The following EDIL3 variants were observed in gnomAD, a reference collection of about 807,000 sequenced individuals.
The protein encoded by EDIL3 is EGF-like repeat and discoidin I-like domain-containing protein 3.
A neutral mutation model predicts 67.4 loss-of-function variants in EDIL3; 37 were observed. The observed-to-expected ratio is 0.55, with a 90% CI of 0.42 to 0.72. The LOEUF (loss-of-function observed/expected upper bound fraction) is 0.72. EDIL3 is among the 30% of genes least tolerant of loss of function. EDIL3 has a pLI of 0.00. For synonymous variants in EDIL3, 195 were observed against 196.3 expected, an observed-to-expected ratio of 0.99 and a Z score of 0.05; for missense variants, 527 against 586.3, an observed-to-expected ratio of 0.90 and a Z score of 1.04.
At chr5:84,317,991 A>G (rs538808290) in intron 1 of EDIL3, among the ~76,000 whole-genome samples, 23 of 152,320 alleles carry the variant, frequency 1.5e-4, no homozygotes, top group Middle Eastern at 6.8e-3. Flanking sequence ...CAATGTGCAA[A>G]AACCACAGAC....
intron 1 of EDIL3, among the ~76,000 whole-genome samples, chr5:84,280,297 T>C (rs1228713601): frequency 2.6e-5 from 4 of 152,120 alleles, no homozygotes; most frequent in African/African-American, 9.7e-5. Flanking sequence ...CTCCTTGAAA[T>C]TGATATAATT....
At chr5:84,348,993 AC>A (rs1645965666) in intron 1 of EDIL3, among the ~76,000 whole-genome samples, 1 of 152,198 alleles carries the variant, frequency 6.6e-6, no homozygotes, top group African/African-American at 2.4e-5. Flanking sequence ...ACCTAACAGC[AC>A]TAGTCCATAA....
chr5:84,371,342 T>TATATATATAA (rs34655173), intron 1 of EDIL3, among the ~76,000 whole-genome samples: 1 of 114,548 alleles, frequency 8.7e-6, no homozygotes. Flanking sequence ...TATATATATA[T>TATATATATAA]GTGTGTGTGT....
intron 1 of EDIL3, among the ~76,000 whole-genome samples, chr5:84,310,375 C>T (rs1199812345): frequency 2.0e-5 from 3 of 152,078 alleles, no homozygotes; most frequent in Non-Finnish European, 2.9e-5. Context: ...TGTTAAGTTT[C>T]GAGCCCTGCT....
chr5:84,318,389 C>T lies in EDIL3; in HGVS notation c.68-64177G>A, dbSNP rs138693713. ...AAAGAACAAAGCTGGAGGCATCATG[C>T]TACCTGACTTCAATCTATACTACAA... On this transcript the variant is annotated intron_variant, in intron 1 of 10. Transcript: ENST00000296591. Among the ~76,000 whole-genome samples, 998 of 152,216 alleles carry T rather than the reference C, an allele frequency of 6.6e-3. 6 individuals carry two copies. The highest frequency in any genetic ancestry group is 0.022 in the African/African-American group (927 of 41,526).
At chr5:84,140,765 C>A (rs1748174714) in intron 4 of EDIL3, among the ~76,000 whole-genome samples, 1 of 152,102 alleles carries the variant, frequency 6.6e-6, no homozygotes, top group South Asian at 2.1e-4. Context: ...TACATGTTAT[C>A]TTAAGTTATC....
intron 5 of EDIL3, among the ~76,000 whole-genome samples, chr5:84,131,957 G>A (rs1419149450): frequency 6.6e-6 from 1 of 151,936 alleles, no homozygotes; most frequent in Non-Finnish European, 1.5e-5. Context: ...TAGGGGCTGG[G>A]CACCGTGGCT....
chr5:84,285,107 A>G (rs1745783958), intron 1 of EDIL3, among the ~76,000 whole-genome samples: 1 of 152,190 alleles, frequency 6.6e-6, no homozygotes, highest in African/African-American at 2.4e-5. Context: ...ATATACGTAA[A>G]TATGCATAAC....
At chr5:84,137,154 T>C (rs1748105528) in intron 5 of EDIL3, 87 bp downstream of exon 5, 5 of 864,024 alleles carry the variant, frequency 5.8e-6, no homozygotes, top group Non-Finnish European at 8.4e-6. Flanking sequence ...TAAAAATATA[T>C]ATGCATACAT....
chr5:84,236,149 A>C (rs2112051170), intron 2 of EDIL3, among the ~76,000 whole-genome samples: 1 of 152,204 alleles, frequency 6.6e-6, no homozygotes, highest in African/African-American at 2.4e-5. Context: ...AACAAAAAAG[A>C]ATGCAAGCTT....
chr5:83,959,318 C>T (rs746268179), intron 10 of EDIL3, among the ~76,000 whole-genome samples: 14 of 150,108 alleles, frequency 9.3e-5, no homozygotes, highest in South Asian at 2.1e-4. Context: ...ATACATTTTT[C>T]GAGTTTTATA....
intron 6 of EDIL3, among the ~76,000 whole-genome samples, chr5:84,091,778 C>T (rs1747170663): frequency 6.6e-6 from 1 of 152,172 alleles, no homozygotes; most frequent in Non-Finnish European, 1.5e-5. Flanking sequence ...GAACAGGCTG[C>T]CAGTAAACTT....
At chr5:84,008,893 A>T (rs1329552965) in intron 9 of EDIL3, among the ~76,000 whole-genome samples, 1 of 152,050 alleles carries the variant, frequency 6.6e-6, no homozygotes, top group Non-Finnish European at 1.5e-5. Flanking sequence ...GCTCACTGCA[A>T]CCTCCGCCTC....
At chr5:84,242,077 A>AT (rs1186106734) in intron 2 of EDIL3, among the ~76,000 whole-genome samples, 2 of 150,902 alleles carry the variant, frequency 1.3e-5, no homozygotes, top group African/African-American at 2.4e-5. Context: ...AAAAAAAAAA[A>AT]AAAAATTAGC....
chr5:84,057,342 G>T (rs1011295885), intron 9 of EDIL3, among the ~76,000 whole-genome samples: 2 of 152,034 alleles, frequency 1.3e-5, no homozygotes, highest in South Asian at 2.1e-4. Flanking sequence ...TATGCCATTT[G>T]CAATCCCTTT....
intron 2 of EDIL3, among the ~76,000 whole-genome samples, chr5:84,233,783 C>T (rs1189637329): frequency 6.6e-6 from 1 of 152,208 alleles, no homozygotes; most frequent in East Asian, 1.9e-4. Context: ...GGAAATAACC[C>T]CTTCTCACTC....
At chr5:84,334,228 AT>A (rs1425380116) in intron 1 of EDIL3, among the ~76,000 whole-genome samples, 1 of 151,664 alleles carries the variant, frequency 6.6e-6, no homozygotes, top group Non-Finnish European at 1.5e-5. Flanking sequence ...CACGCGCCTA[AT>A]TTTTTTGTAT....
intron 9 of EDIL3, among the ~76,000 whole-genome samples, chr5:84,037,988 G>GTTTTTTTTTTTTTTTTTTTTTTTTTTTTT (rs67762520): frequency 2.0e-5 from 2 of 99,744 alleles, no homozygotes; most frequent in African/African-American, 4.5e-5. Context: ...TTTCTTTCTT[G>GTTTTTTTTTTTTTTTTTTTTTTTTTTTTT]TTTTTTTTTT....
intron 6 of EDIL3, among the ~76,000 whole-genome samples, chr5:84,080,674 G>A (rs574904504): frequency 6.6e-6 from 1 of 152,104 alleles, no homozygotes; most frequent in South Asian, 2.1e-4. Flanking sequence ...CCTCAAAAAG[G>A]CATAGTACTA....
Sources: allele counts gnomAD v4.1 joint callset (sites outside exome capture counted in the v4.1 genomes callset), GRCh38; gene constraint gnomAD v4.1.1; transcripts MANE v1.5; gene names NCBI Gene and HGNC (gene_info 2026-07-23, HGNC 2026-07-21).